PDS5A: variants seen among roughly 807,000 people sequenced by gnomAD.
PDS5A encodes the protein sister chromatid cohesion protein PDS5 homolog A.
Under a neutral mutation model 167.1 loss-of-function variants are expected in PDS5A, and 42 were observed. The ratio of observed to expected loss-of-function variants is 0.25; its 90% CI spans 0.20 to 0.33. PDS5A has a LOEUF of 0.33. PDS5A is among the 10% of genes least tolerant of loss of function. PDS5A has a pLI of 1.00. For synonymous variants in PDS5A, 553 were observed against 554.6 expected (o/e 1.00, Z 0.04); for missense variants, 1,033 against 1,605.9 (o/e 0.64, Z 6.10).
chr4:39,906,936 A>C (rs914501112), intron 11 of PDS5A, among the ~76,000 whole-genome samples: 2 of 151,324 alleles, frequency 1.3e-5, no homozygotes, highest in Non-Finnish European at 2.9e-5. Context: ...AAAAAAAAAA[A>C]AAAAAAACAA....
chr4:39,907,487 T>G (rs2109672416), intron 11 of PDS5A, among the ~76,000 whole-genome samples: 1 of 152,302 alleles, frequency 6.6e-6, no homozygotes, highest in South Asian at 2.1e-4. Context: ...TTAGGCCTAA[T>G]CAGCCTGCCT....
rs187467780 is a variant in PDS5A, at chr4:39,874,494, A to G, written c.2154-82T>C. ...CCTTTGGTTGACTTCCACTTCCCCTATATGGATGGATGCTAGTAGAGAAGG... is the reference window on the plus strand; with the variant it reads ...CCTTTGGTTGACTTCCACTTCCCCTGTATGGATGGATGCTAGTAGAGAAGG... On this transcript the variant is annotated intron_variant, in intron 19 of 32. Coordinates refer to ENST00000303538, the MANE Select transcript of PDS5A (RefSeq NM_001100399.2). 318 of 1,095,966 alleles carry G rather than the reference A, an allele frequency of 2.9e-4. No individual in the cohort carries two copies. In the African/African-American group the frequency reaches 4.4e-3, roughly 15 times the overall value. The allele number at this position is 1,095,966 out of a possible 1,614,324, so 67.9% of individuals were successfully genotyped here. A position where few individuals can be genotyped will look rare whatever the true frequency, so the allele number is the denominator to read the frequency against.
intron 2 of PDS5A, among the ~76,000 whole-genome samples, chr4:39,965,224 A>G (rs563670376): frequency 1.3e-5 from 2 of 152,264 alleles, no homozygotes; most frequent in South Asian, 4.1e-4. Flanking sequence ...TAGCCCAACT[A>G]CTCTGCTAGA....
chr4:39,936,451 C>T lies in PDS5A; in HGVS notation c.139-8287G>A, dbSNP rs555826674. Among the ~76,000 whole-genome samples, 10 of 151,886 alleles carry T rather than the reference C, an allele frequency of 6.6e-5. No individual in the cohort carries two copies. The South Asian group carries it at 2.1e-3, about 32-fold the overall frequency. On this transcript the variant is annotated intron_variant, in intron 2 of 32. Coordinates refer to ENST00000303538, the MANE Select transcript of PDS5A (RefSeq NM_001100399.2). ...ACTATATTTATTATTTATTATTTAT[C>T]TATTTGAGACAGTTTCGCTGTCACC...
chr4:39,949,254 A>C (rs1728086319), intron 2 of PDS5A, among the ~76,000 whole-genome samples: 1 of 143,428 alleles, frequency 7.0e-6, no homozygotes, highest in Non-Finnish European at 1.5e-5. Context: ...GTGAACCCAG[A>C]TGGAGCCACT....
chr4:39,891,474 C>A (rs1249777674), intron 16 of PDS5A, among the ~76,000 whole-genome samples: 3 of 151,438 alleles, frequency 2.0e-5, no homozygotes, highest in African/African-American at 7.3e-5. Flanking sequence ...CATGGAGAAA[C>A]CCCATCTCTA....
intron 32 of PDS5A, 102 bp downstream of exon 32, chr4:39,837,754 T>C: frequency 1.3e-6 from 1 of 778,790 alleles, no homozygotes; most frequent in Non-Finnish European, 2.0e-6. Flanking sequence ...TGCAGGTTTC[T>C]CTCTCAAATG....
Position 39,874,400 on chromosome 4 carries a change from G to C in PDS5A, c.2166C>G (p.Pro722=). The C allele has an allele frequency of 6.2e-7, 1 of 1,612,476 alleles. No homozygotes were observed. The highest frequency in any genetic ancestry group is 8.5e-7 in the Non-Finnish European group (1 of 1,178,724). Residue 722 remains proline, a synonymous_variant, in exon 20 of 33, where the codon CCC becomes CCG. Coordinates refer to ENST00000303538, the MANE Select transcript of PDS5A (RefSeq NM_001100399.2). ...DLPQIRSTLI[P]ILHQKAKRGT... ...CCCTCTTTGCTTTTTGATGTAAAAT[G>C]GGAATTAAGGTCCTGCAAAAAATAA...
chr4:39,939,551 T>C (rs1727022322), intron 2 of PDS5A, among the ~76,000 whole-genome samples: 1 of 152,074 alleles, frequency 6.6e-6, no homozygotes, highest in African/African-American at 2.4e-5. Context: ...TCCAGCACTA[T>C]GGGAGGCCAA....
chr4:39,863,836 A>G (rs1295126093), intron 23 of PDS5A, among the ~76,000 whole-genome samples: 1 of 152,192 alleles, frequency 6.6e-6, no homozygotes, highest in Non-Finnish European at 1.5e-5. Flanking sequence ...ATTGTAGAAA[A>G]CTTGATTAAA....
At chr4:39,875,155 A>G (rs1334751622) in intron 19 of PDS5A, among the ~76,000 whole-genome samples, 1 of 152,172 alleles carries the variant, frequency 6.6e-6, no homozygotes, top group Non-Finnish European at 1.5e-5. Context: ...AGTAAACTAA[A>G]ACAGTCTTCT....
rs747683199 is a variant in PDS5A, at chr4:39,926,866, T to TA, written c.343-6dup. 0.046 allele frequency: 47,121 copies of TA among 1,032,208 alleles called. No homozygotes were observed. Among genetic ancestry groups the TA allele is most frequent in the South Asian group, 0.07 (3,401 of 48,304 alleles). The allele number at this position is 1,032,208 out of a possible 1,614,324, so 63.9% of individuals were successfully genotyped here. On this transcript the variant is annotated splice_polypyrimidine_tract_variant and splice_region_variant and intron_variant, in intron 3 of 32. Coordinates refer to ENST00000303538, the MANE Select transcript of PDS5A (RefSeq NM_001100399.2). ...GGTAATAAACAAAAATATGTCCTGT[T>TA]AAAAAAAAAAACACATTAATTTAGA...
At chr4:39,963,045 C>G (rs1729642823) in intron 2 of PDS5A, among the ~76,000 whole-genome samples, 1 of 151,872 alleles carries the variant, frequency 6.6e-6, no homozygotes, top group Non-Finnish European at 1.5e-5. Context: ...TCAGGCCGAC[C>G]TGGTGGCTCA....
intron 21 of PDS5A, among the ~76,000 whole-genome samples, chr4:39,869,925 G>A (rs1719877448): frequency 6.6e-6 from 1 of 152,078 alleles, no homozygotes; most frequent in Non-Finnish European, 1.5e-5. Flanking sequence ...TGGCTAACAT[G>A]GCAAAACCCT....
intron 2 of PDS5A, among the ~76,000 whole-genome samples, chr4:39,935,402 G>A (rs1027112372): frequency 1.3e-5 from 2 of 152,182 alleles, no homozygotes; most frequent in Non-Finnish European, 2.9e-5. Context: ...CTGGCCTTCC[G>A]ATGTGTTCTT....
Position 39,873,134 on chromosome 4 carries a change from C to T in PDS5A, c.2288G>A (p.Arg763Lys), listed in dbSNP as rs1385974145. The part of the protein sequence containing the change: ...QLAQIFEPLS[R>K]SLNADVPEQL... ...TTCTGGCACATCAGCATTCAGACTC[C>T]TACTGAGTGGCTATAAAAATAAAAC... is the stretch of plus-strand genomic sequence containing the variant. Residue 763 changes from arginine to lysine, a missense_variant, in exon 21 of 33, where the codon AGG becomes AAG. Physicochemically the swap from Arg to Lys is conservative, Grantham distance 26 (BLOSUM62 2). This residue lies in a region of PDS5A where 367 missense variants were observed against 686.7 expected (regional missense o/e 0.53). Transcript: ENST00000303538. 3.4e-6 allele frequency: 5 copies of T among 1,486,944 alleles called. No homozygotes were observed. In the African/African-American group the frequency reaches 5.5e-5, roughly 16 times the overall value. 92.1% of individuals were successfully genotyped at this position (1,486,944 alleles called of 1,614,324 possible).
At chr4:39,901,098 G>C (rs1490520189) in intron 13 of PDS5A, among the ~76,000 whole-genome samples, 4 of 151,986 alleles carry the variant, frequency 2.6e-5, no homozygotes, top group Non-Finnish European at 5.9e-5. Context: ...ATATTTCCAG[G>C]TGCCCAGATG....
At chr4:39,839,516 C>T (rs543885799) in intron 31 of PDS5A, among the ~76,000 whole-genome samples, 56 of 151,940 alleles carry the variant, frequency 3.7e-4, no homozygotes, top group African/African-American at 1.2e-3. Flanking sequence ...TTGCAGTAAG[C>T]CGAGATCGCG....
At chr4:39,892,523 C>A (rs1371589633) in intron 16 of PDS5A, among the ~76,000 whole-genome samples, 1 of 152,196 alleles carries the variant, frequency 6.6e-6, no homozygotes, top group Non-Finnish European at 1.5e-5. Context: ...AGAAGCCATT[C>A]CTGGACCTAT....
Sources: gnomAD v4.1 joint callset for allele counts (sites outside exome capture counted in the v4.1 genomes callset) on GRCh38, gnomAD v4.1.1 for gene constraint, gnomAD v4.1.1 regional missense constraint, MANE v1.5 for transcripts, NCBI Gene and HGNC (gene_info 2026-07-23, HGNC 2026-07-21) for gene names.